WDR47: variants seen among roughly 807,000 people sequenced by gnomAD.
The protein encoded by WDR47 is WD repeat-containing protein 47.
WDR47 carries 32 observed loss-of-function variants against 97.2 expected under a neutral mutation model. The observed-to-expected ratio is 0.33, with a 90% confidence interval of 0.25 to 0.44. WDR47 has a LOEUF of 0.44. Among genes scored for constraint, WDR47 ranks in the 20% least tolerant of loss-of-function variants. The pLI is 1.00. For synonymous variants in WDR47, 375 were observed against 373.5 expected (o/e 1.00, Z -0.05); for missense variants, 782 against 1,102.3 (o/e 0.71, Z 4.11).
At position 109,013,938 on chromosome 1, in the gene WDR47, A is replaced by G; in HGVS notation, c.243-13T>C. On this transcript the variant is annotated splice_polypyrimidine_tract_variant and intron_variant, in intron 3 of 14. Transcript: ENST00000369962. ...AATATAACGAAACCTGTGGGAAAAA[A>G]ATGAAGCATTAATTTTTCCAATGTC... 6.3e-7 allele frequency: 1 copy of G among 1,590,956 alleles called. No individual in the cohort carries two copies. The highest frequency in any genetic ancestry group is 8.6e-7 in the Non-Finnish European group (1 of 1,166,314).
At chr1:109,026,776 A>C (rs1428269034) in intron 1 of WDR47, among the ~76,000 whole-genome samples, 2 of 152,206 alleles carry the variant, frequency 1.3e-5, no homozygotes, top group Non-Finnish European at 1.5e-5. Context: ...ATATCAGTCC[A>C]GATATAAAGT....
intron 5 of WDR47, among the ~76,000 whole-genome samples, 181 bp downstream of exon 5, chr1:109,010,735 A>T (rs1377610690): frequency 6.6e-6 from 1 of 151,916 alleles, no homozygotes; most frequent in Non-Finnish European, 1.5e-5. Context: ...GGCACCTGCC[A>T]CCACGCCCAG....
intron 9 of WDR47, among the ~76,000 whole-genome samples, chr1:108,989,069 T>C (rs997851918): frequency 7.2e-5 from 11 of 152,148 alleles, no homozygotes; most frequent in Admixed American, 5.2e-4. Flanking sequence ...ATTTTTACTT[T>C]AAACTGTCAA....
intron 14 of WDR47, among the ~76,000 whole-genome samples, chr1:108,972,837 C>T (rs761306827): frequency 6.6e-6 from 1 of 151,450 alleles, no homozygotes; most frequent in South Asian, 2.1e-4. Flanking sequence ...GTTCCAGCTA[C>T]TTGGGAGGCT....
intron 7 of WDR47, among the ~76,000 whole-genome samples, chr1:108,999,823 C>A (rs1355986475): frequency 2.0e-5 from 3 of 152,154 alleles, no homozygotes; most frequent in Non-Finnish European, 2.9e-5. Flanking sequence ...GCCATTTCAT[C>A]TTCTCACTGC....
chr1:108,996,160 G>A (rs1659735662), intron 7 of WDR47, among the ~76,000 whole-genome samples: 1 of 152,132 alleles, frequency 6.6e-6, no homozygotes, highest in South Asian at 2.1e-4. Flanking sequence ...CTGGGCTCAA[G>A]CAATCCTTCC....
At chr1:109,033,826 G>A (rs1453068172) in intron 1 of WDR47, among the ~76,000 whole-genome samples, 1 of 152,252 alleles carries the variant, frequency 6.6e-6, no homozygotes, top group Non-Finnish European at 1.5e-5. Flanking sequence ...GGCTGAGGCA[G>A]GAGAATTGCT....
intron 2 of WDR47, among the ~76,000 whole-genome samples, chr1:109,021,898 A>G (rs1472819660): frequency 6.6e-6 from 1 of 151,908 alleles, no homozygotes; most frequent in Non-Finnish European, 1.5e-5. Flanking sequence ...CCCAGGCTGG[A>G]GTACAGTGGC....
intron 7 of WDR47, among the ~76,000 whole-genome samples, chr1:109,000,781 T>C (rs1245929373): frequency 6.6e-6 from 1 of 152,052 alleles, no homozygotes; most frequent in East Asian, 1.9e-4. Context: ...TACACAACAC[T>C]CAGAGTTGTC....
chr1:109,023,961 C>T (rs1039004790), intron 1 of WDR47, among the ~76,000 whole-genome samples: 2 of 152,192 alleles, frequency 1.3e-5, no homozygotes, highest in African/African-American at 4.8e-5. Flanking sequence ...CCATGTTTAG[C>T]TATGTCCCAA....
chr1:109,020,711 C>T (rs1462708582), intron 2 of WDR47, among the ~76,000 whole-genome samples: 1 of 151,954 alleles, frequency 6.6e-6, no homozygotes, highest in African/African-American at 2.4e-5. Flanking sequence ...AAAGATAGTG[C>T]TTAAAAAAAT....
chr1:109,035,843 C>G (rs1167781434), intron 1 of WDR47, among the ~76,000 whole-genome samples: 2 of 149,960 alleles, frequency 1.3e-5, no homozygotes, highest in East Asian at 3.9e-4. Flanking sequence ...GAGAAGGAGT[C>G]TTACTATGCT....
chr1:108,988,081 A>G (rs1658986198), intron 9 of WDR47, among the ~76,000 whole-genome samples: 2 of 129,798 alleles, frequency 1.5e-5, no homozygotes, highest in African/African-American at 7.0e-5. Context: ...ATAAAAATGA[A>G]AAAAAAAAAA....
chr1:109,018,125 C>G (rs907238900), intron 2 of WDR47, among the ~76,000 whole-genome samples: 1 of 152,026 alleles, frequency 6.6e-6, no homozygotes, highest in African/African-American at 2.4e-5. Context: ...CTCATACTAA[C>G]TATATATATG....
Position 108,971,203 on chromosome 1 carries a change from C to T in WDR47, c.*227G>A, listed in dbSNP as rs1257874272. The T allele has an allele frequency of 1.5e-5, 7 of 481,240 alleles. No individual in the cohort carries two copies. Among genetic ancestry groups the T allele is most frequent in the African/African-American group, 3.9e-5 (2 of 51,938 alleles). The allele number at this position is 481,240 out of a possible 1,614,324, so 29.8% of individuals were successfully genotyped here. ...AGAGCTCTTCTGCAGACTTTGGCAA[C>T]GAGACTACATATAGCAGGTCACAGC... On this transcript the variant is annotated 3_prime_UTR_variant, in exon 15 of 15. Transcript: ENST00000369962.
chr1:108,990,062 A>T (rs557902492), intron 9 of WDR47, among the ~76,000 whole-genome samples: 1 of 152,250 alleles, frequency 6.6e-6, no homozygotes, highest in East Asian at 1.9e-4. Flanking sequence ...CTAGATTTCT[A>T]GCTTTTCTTG....
Position 108,991,261 on chromosome 1 carries a change from C to G in WDR47, c.1760G>C (p.Gly587Ala), listed in dbSNP as rs762393246. ...CCTTCCCCAAAGTATTACCTCTTCC[C>G]CTTTCGACCTTGAAAGACTCCCTGG... ...DSPGSLSRSKGEEDDKSKKQF... is the reference protein window; with the variant it reads ...DSPGSLSRSKAEEDDKSKKQF... Residue 587 changes from glycine to alanine, a missense_variant, in exon 9 of 15, where the codon GGG becomes GCG. Around this residue, in one of 3 missense-constraint regions of WDR47, gnomAD observed 126 missense variants for 121.3 expected, o/e 1.04. Coordinates refer to ENST00000369962, the MANE Select transcript of WDR47 (RefSeq NM_001142551.2). 1.5e-5 allele frequency: 24 copies of G among 1,612,770 alleles called. No homozygotes were observed. In the Admixed American group the frequency reaches 3.7e-4, roughly 25 times the overall value.
At chr1:109,012,663 G>A (rs919370824) in intron 4 of WDR47, among the ~76,000 whole-genome samples, 1 of 151,424 alleles carries the variant, frequency 6.6e-6, no homozygotes, top group Non-Finnish European at 1.5e-5. Context: ...TTAGCTGAGA[G>A]ACAAATTATA....
At chr1:108,993,167 A>G in intron 8 of WDR47, among the ~76,000 whole-genome samples, 1 of 152,112 alleles carries the variant, frequency 6.6e-6, no homozygotes, top group East Asian at 1.9e-4. Flanking sequence ...TCTACTAAAA[A>G]TACAAAAATT....
Sources: gnomAD v4.1 joint callset for allele counts (sites outside exome capture counted in the v4.1 genomes callset) on GRCh38, gnomAD v4.1.1 for gene constraint, gnomAD v4.1.1 regional missense constraint, MANE v1.5 for transcripts, NCBI Gene and HGNC (gene_info 2026-07-23, HGNC 2026-07-21) for gene names.